Variants in PPP2R3A observed in about 807,000 individuals in gnomAD.
PPP2R3A encodes the protein serine/threonine-protein phosphatase 2A regulatory subunit B'' subunit alpha.
A neutral mutation model predicts 106.9 loss-of-function variants in PPP2R3A; 80 were observed. That is an observed-to-expected ratio of 0.75 (90% CI 0.62 to 0.90). The LOEUF is 0.90. PPP2R3A is among the 40% of genes least tolerant of loss of function. The pLI, the probability that PPP2R3A is intolerant of heterozygous loss-of-function variation, is 0.00. For missense variants in PPP2R3A, 1,386 were observed against 1,350.4 expected, an observed-to-expected ratio of 1.03 and a Z score of -0.41; for synonymous variants, 483 against 468.3, an observed-to-expected ratio of 1.03 and a Z score of -0.41.
At chr3:136,114,686 G>A (rs192902307) in intron 13 of PPP2R3A, among the ~76,000 whole-genome samples, 65 of 152,254 alleles carry the variant, frequency 4.3e-4, no homozygotes, top group East Asian at 9.6e-4. Context: ...AAGTGGGAGC[G>A]CACCGCAGCT....
In PPP2R3A at chr3:136,145,052, T is replaced by C. The variant is rs202240896; in HGVS notation, c.3339T>C (p.Asp1113=). Residue 1113 remains aspartate, a synonymous_variant, in exon 14 of 14, where the codon GAT becomes GAC. Coordinates refer to ENST00000264977, the MANE Select transcript of PPP2R3A (RefSeq NM_002718.5). ...TGCTTTGTTATTTCAGCTTTGAAGA[T>C]TATGAAACAGATGAACCTGCCTCTC... The part of the protein sequence containing the change: ...AQAQFQEGFE[D]YETDEPASPS... 3.1e-6 allele frequency: 5 copies of C among 1,611,970 alleles called. No homozygotes were observed. The highest frequency in any genetic ancestry group is 1.3e-5 in the African/African-American group (1 of 74,878).
intron 1 of PPP2R3A, among the ~76,000 whole-genome samples, chr3:135,997,978 C>G (rs929726950): frequency 5.3e-5 from 8 of 152,220 alleles, no homozygotes; most frequent in Non-Finnish European, 8.8e-5. Context: ...CTCTTACTCT[C>G]TAGCCTAAAA....
intron 5 of PPP2R3A, among the ~76,000 whole-genome samples, chr3:136,050,171 G>C (rs917070814): frequency 6.6e-6 from 1 of 152,154 alleles, no homozygotes; most frequent in Non-Finnish European, 1.5e-5. Flanking sequence ...ATAGGGAGCA[G>C]CTTTCACTGA....
At chr3:136,083,712 C>G (rs1936850992) in intron 8 of PPP2R3A, among the ~76,000 whole-genome samples, 2 of 152,204 alleles carry the variant, frequency 1.3e-5, no homozygotes, top group African/African-American at 4.8e-5. Context: ...AAGTTTGGAA[C>G]TTCCTAGAGA....
At chr3:135,998,215 G>A (rs1163681642) in intron 1 of PPP2R3A, among the ~76,000 whole-genome samples, 1 of 152,174 alleles carries the variant, frequency 6.6e-6, no homozygotes, top group Non-Finnish European at 1.5e-5. Flanking sequence ...TCTACCTGGA[G>A]TATTCTTCCC....
At chr3:136,034,498 C>T (rs1442594127) in intron 3 of PPP2R3A, among the ~76,000 whole-genome samples, 1 of 152,170 alleles carries the variant, frequency 6.6e-6, no homozygotes, top group Non-Finnish European at 1.5e-5. Context: ...CATTCAGGAG[C>T]AGGTTATTTA....
intron 1 of PPP2R3A, among the ~76,000 whole-genome samples, chr3:135,993,008 A>C (rs1933238993): frequency 1.3e-5 from 2 of 152,160 alleles, no homozygotes; most frequent in South Asian, 4.1e-4. Flanking sequence ...GCCATTGAAA[A>C]TCCATATGAC....
At chr3:135,993,369 C>T (rs1328657638) in intron 1 of PPP2R3A, among the ~76,000 whole-genome samples, 2 of 152,164 alleles carry the variant, frequency 1.3e-5, no homozygotes, top group Non-Finnish European at 2.9e-5. Context: ...GATACCACTT[C>T]ACACTCACTA....
At chr3:136,130,327 A>G (rs1198197484) in intron 13 of PPP2R3A, among the ~76,000 whole-genome samples, 1 of 152,240 alleles carries the variant, frequency 6.6e-6, no homozygotes, top group African/African-American at 2.4e-5. Context: ...GTCTCAGGAT[A>G]CAAAATCAAT....
chr3:136,066,002 A>G (rs1936254275), intron 5 of PPP2R3A, among the ~76,000 whole-genome samples: 2 of 152,224 alleles, frequency 1.3e-5, no homozygotes, highest in Non-Finnish European at 2.9e-5. Flanking sequence ...AGAAAAGGCT[A>G]CTTTGCAGAC....
chr3:136,142,334 A>AGACAT (rs1470203180), intron 13 of PPP2R3A, among the ~76,000 whole-genome samples: 1 of 152,188 alleles, frequency 6.6e-6, no homozygotes, highest in East Asian at 1.9e-4. Flanking sequence ...GTCAAGACAC[A>AGACAT]GACATGTCTC....
chr3:136,052,787 G>A (rs1935726613), intron 5 of PPP2R3A, among the ~76,000 whole-genome samples: 1 of 152,120 alleles, frequency 6.6e-6, no homozygotes, highest in South Asian at 2.1e-4. Flanking sequence ...GTGGACTTGT[G>A]GAGTCTTCTG....
In PPP2R3A at chr3:136,111,272, T is replaced by A. The variant is rs558045778; in HGVS notation, c.3329+4950T>A. On this transcript the variant is annotated intron_variant, in intron 13 of 13. Transcript: ENST00000264977. ...CCTATGGTTCTTATTTGTATAAGAG[T>A]AGAGAAATATAGACATTGATAAAGT... 2.0e-5 allele frequency among the ~76,000 whole-genome samples: 3 copies of A among 152,176 alleles called. No homozygotes were observed. The South Asian group carries it at 6.2e-4, about 32-fold the overall frequency.
At chr3:136,081,055 G>A (rs1426859591) in intron 7 of PPP2R3A, among the ~76,000 whole-genome samples, 3 of 151,574 alleles carry the variant, frequency 2.0e-5, no homozygotes, top group South Asian at 2.1e-4. Flanking sequence ...GCACAGTGGC[G>A]CGATCTCGGC....
At chr3:136,044,846 G>A (rs1014349576) in intron 4 of PPP2R3A, among the ~76,000 whole-genome samples, 1 of 152,128 alleles carries the variant, frequency 6.6e-6, no homozygotes, top group Non-Finnish European at 1.5e-5. Context: ...CTGTCACTGT[G>A]GACATCTGGG....
intron 1 of PPP2R3A, among the ~76,000 whole-genome samples, chr3:136,000,038 A>G (rs1442446762): frequency 6.6e-6 from 1 of 152,024 alleles, no homozygotes; most frequent in Admixed American, 6.6e-5. Flanking sequence ...CGGTTATTCT[A>G]CCCTGGAGGA....
chr3:136,101,834 G>A (rs996916014), intron 10 of PPP2R3A, among the ~76,000 whole-genome samples, 173 bp from the exon 11 acceptor site: 5 of 152,042 alleles, frequency 3.3e-5, no homozygotes, highest in South Asian at 2.1e-4. Flanking sequence ...GATTCTGGGT[G>A]GAAAAATAAA....
intron 4 of PPP2R3A, among the ~76,000 whole-genome samples, chr3:136,043,037 A>G (rs1186191400): frequency 6.6e-6 from 1 of 152,144 alleles, no homozygotes; most frequent in Non-Finnish European, 1.5e-5. Context: ...AAACTTTCAA[A>G]TAAAAAAATT....
intron 2 of PPP2R3A, among the ~76,000 whole-genome samples, chr3:136,010,843 G>T (rs1401222089): frequency 6.6e-6 from 1 of 152,118 alleles, no homozygotes; most frequent in Non-Finnish European, 1.5e-5. Flanking sequence ...GCAGTCATCA[G>T]TTTTTCTCCT....
Sources: allele counts gnomAD v4.1 joint callset (sites outside exome capture counted in the v4.1 genomes callset), GRCh38; gene constraint gnomAD v4.1.1; transcripts MANE v1.5; gene names NCBI Gene and HGNC (gene_info 2026-07-23, HGNC 2026-07-21).